The following ZNF536 variants were observed in gnomAD, a reference collection of about 807,000 sequenced individuals.
The protein encoded by ZNF536 is zinc finger protein 536.
A neutral mutation model predicts 84.5 loss-of-function variants in ZNF536; 13 were observed. The ratio of observed to expected loss-of-function variants is 0.15; its 90% CI spans 0.10 to 0.24. The LOEUF is 0.24. Ranked by LOEUF, ZNF536 falls within the 10% of genes least tolerant of loss-of-function variation. The probability of loss-of-function intolerance (pLI) is 1.00; values close to 1 mark genes in which losing one functional copy is unlikely to be tolerated. For synonymous variants in ZNF536, 811 were observed against 742.5 expected, an observed-to-expected ratio of 1.09 and a Z score of -1.50; for missense variants, 1,536 against 1,747.5, an observed-to-expected ratio of 0.88 and a Z score of 2.16.
intron 2 of ZNF536, among the ~76,000 whole-genome samples, chr19:30,457,186 G>C (rs565560375): frequency 5.8e-4 from 88 of 152,354 alleles, no homozygotes; most frequent in African/African-American, 2.0e-3. Context: ...GGAGCACCTT[G>C]GTGCCCAGTT....
At chr19:30,552,810 CGA>C (rs2045832378) in intron 4 of ZNF536, among the ~76,000 whole-genome samples, 1 of 152,070 alleles carries the variant, frequency 6.6e-6, no homozygotes, top group African/African-American at 2.4e-5. Flanking sequence ...ATGACAGTGT[CGA>C]GAGCTTCAGT....
At chr19:30,631,173 C>T (rs1048592774) in intron 1 of ZNF536, among the ~76,000 whole-genome samples, 1 of 152,224 alleles carries the variant, frequency 6.6e-6, no homozygotes, top group Admixed American at 6.5e-5. Context: ...GCCGGCCCTC[C>T]CCTCCCTGGC....
At chr19:30,479,491 G>A (rs1434023983) in intron 2 of ZNF536, among the ~76,000 whole-genome samples, 1 of 152,238 alleles carries the variant, frequency 6.6e-6, no homozygotes, top group East Asian at 1.9e-4. Context: ...CTAGTTGGCT[G>A]CTGTTTCGAC....
chr19:30,633,135 A>G (rs1273438524), intron 1 of ZNF536, among the ~76,000 whole-genome samples: 1 of 152,246 alleles, frequency 6.6e-6, no homozygotes, highest in East Asian at 1.9e-4. Context: ...AAAGTCTTCA[A>G]TCTTAGATAC....
At chr19:30,323,060 C>T (rs570064293) in intron 2 of ZNF536, among the ~76,000 whole-genome samples, 1 of 152,290 alleles carries the variant, frequency 6.6e-6, no homozygotes, top group East Asian at 1.9e-4. Flanking sequence ...GAGGCTCCCA[C>T]ACCTTCCTGA....
chr19:30,491,310 T>A (rs1457311718), intron 2 of ZNF536, among the ~76,000 whole-genome samples: 2 of 152,164 alleles, frequency 1.3e-5, no homozygotes, highest in African/African-American at 2.4e-5. Context: ...GAAGGCCTTC[T>A]GTCTCCTGTT....
intron 1 of ZNF536, among the ~76,000 whole-genome samples, chr19:30,651,467 A>ATATATATTTTC (rs2049703519): frequency 6.6e-6 from 1 of 152,250 alleles, no homozygotes; most frequent in South Asian, 2.1e-4. Context: ...GATTTTTCAG[A>ATATATATTTTC]ACAAAATATA....
intron 2 of ZNF536, among the ~76,000 whole-genome samples, chr19:30,485,983 G>A (rs1045145987): frequency 5.3e-5 from 8 of 152,138 alleles, no homozygotes; most frequent in Non-Finnish European, 1.2e-4. Flanking sequence ...TCCGAGACCA[G>A]TAAAGGTGTG....
At chr19:30,386,961 A>G (rs2049369146) in intron 1 of ZNF536, among the ~76,000 whole-genome samples, 1 of 152,244 alleles carries the variant, frequency 6.6e-6, no homozygotes, top group Non-Finnish European at 1.5e-5. Flanking sequence ...ACAGCCTATC[A>G]GCAATTTTTA....
chr19:30,327,279 C>T (rs953783934), intron 2 of ZNF536, among the ~76,000 whole-genome samples: 2 of 152,274 alleles, frequency 1.3e-5, no homozygotes, highest in South Asian at 2.1e-4. Context: ...GTTCAGACCT[C>T]GGGCTCAGGG....
rs2050062733 is a variant in ZNF536 at position 30,659,952 on chromosome 19, G to GT, written c.170-50805_170-50804insT. On this transcript the variant is annotated intron_variant, in intron 1 of 1. Coordinates refer to the ZNF536 transcript ENST00000592773. ...TTGCTCCTACCCTGTTTGACACAAGGGTGTGTGTGTGTGTGTGTGTGTGTG... is the reference window on the plus strand; with the variant it reads ...TTGCTCCTACCCTGTTTGACACAAGGTGTGTGTGTGTGTGTGTGTGTGTGTG... Among the ~76,000 whole-genome samples, 7 of 101,294 alleles carry GT rather than the reference G, an allele frequency of 6.9e-5. No homozygotes were observed. The East Asian group carries it at 8.1e-4, about 12-fold the overall frequency. 66.5% of individuals were successfully genotyped at this position (101,294 alleles called of 152,430 possible). A position where few individuals can be genotyped will look rare whatever the true frequency, so the allele number is the denominator to read the frequency against.
intron 1 of ZNF536, among the ~76,000 whole-genome samples, chr19:30,275,054 T>C (rs1440409976): frequency 1.3e-5 from 2 of 152,200 alleles, no homozygotes; most frequent in Non-Finnish European, 2.9e-5. Flanking sequence ...CTGCCAAGTC[T>C]TGAGCTGAGT....
intron 4 of ZNF536, among the ~76,000 whole-genome samples, chr19:30,551,872 T>C (rs2045796848): frequency 6.6e-6 from 1 of 152,168 alleles, no homozygotes; most frequent in South Asian, 2.1e-4. Flanking sequence ...AGGATGGGCC[T>C]GACTCTGCCA....
intron 1 of ZNF536, among the ~76,000 whole-genome samples, chr19:30,639,799 C>T (rs1021960257): frequency 9.2e-5 from 14 of 152,180 alleles, no homozygotes; most frequent in Non-Finnish European, 1.6e-4. Context: ...CTCAGCATCT[C>T]GTTGGCTGCC....
chr19:30,251,467 G>A (rs974415639), intron 1 of ZNF536, among the ~76,000 whole-genome samples: 7 of 152,152 alleles, frequency 4.6e-5, no homozygotes, highest in Non-Finnish European at 8.8e-5. Flanking sequence ...TAGTGTTCCT[G>A]CTGATGGTTC....
chr19:30,323,850 G>A (rs1290411239), intron 2 of ZNF536, among the ~76,000 whole-genome samples: 1 of 151,982 alleles, frequency 6.6e-6, no homozygotes, highest in African/African-American at 2.4e-5. Context: ...TTCTCTATTT[G>A]TCCTGCTCCT....
intron 2 of ZNF536, among the ~76,000 whole-genome samples, chr19:30,471,396 C>T (rs1020132678): frequency 6.6e-6 from 1 of 152,182 alleles, no homozygotes; most frequent in Non-Finnish European, 1.5e-5. Context: ...GCCCACTGTT[C>T]AGTCACAAAG....
At chr19:30,683,361 A>T (rs1256848917) in intron 1 of ZNF536, among the ~76,000 whole-genome samples, 1 of 152,258 alleles carries the variant, frequency 6.6e-6, no homozygotes, top group African/African-American at 2.4e-5. Context: ...TTTCTAATAA[A>T]GGAATTTGAA....
At chr19:30,467,929 G>A (rs751370786) in intron 2 of ZNF536, among the ~76,000 whole-genome samples, 1 of 152,244 alleles carries the variant, frequency 6.6e-6, no homozygotes, top group Non-Finnish European at 1.5e-5. Flanking sequence ...CACAGCCCTG[G>A]CCGCACAGCG....
Sources: gnomAD v4.1 joint callset for allele counts (sites outside exome capture counted in the v4.1 genomes callset) on GRCh38, gnomAD v4.1.1 for gene constraint, MANE v1.5 for transcripts, NCBI Gene and HGNC (gene_info 2026-07-23, HGNC 2026-07-21) for gene names.